MAP4K5: variants seen among roughly 807,000 people sequenced by gnomAD.
MAP4K5 encodes the protein MAPK/ERK kinase kinase kinase 5.
A neutral mutation model predicts 135.6 loss-of-function variants in MAP4K5; 82 were observed. The ratio of observed to expected loss-of-function variants is 0.60; its 90% CI spans 0.51 to 0.73. The LOEUF is 0.73. Ranked by LOEUF, MAP4K5 falls within the 30% of genes least tolerant of loss-of-function variation. The pLI is 0.00. For synonymous variants in MAP4K5, 347 were observed against 335.0 expected (o/e 1.04, Z -0.39); for missense variants, 907 against 1,010.9 (o/e 0.90, Z 1.39).
intron 1 of MAP4K5, among the ~76,000 whole-genome samples, chr14:50,556,476 C>T (rs2038766942): frequency 6.6e-6 from 1 of 152,104 alleles, no homozygotes; most frequent in South Asian, 2.1e-4. Flanking sequence ...CCTCAGCTTC[C>T]CAAAGTGCTG....
chr14:50,536,996 C>T (rs4349065), upstream of MAP4K5, among the ~76,000 whole-genome samples: 127,843 of 152,280 alleles, frequency 0.84, 55,654 homozygotes, highest in Non-Finnish European at 0.94. Context: ...GCATAAGTAA[C>T]GAAAAGCTGA....
chr14:50,488,756 C>CA (rs2037421636), intron 3 of MAP4K5, among the ~76,000 whole-genome samples: 1 of 152,128 alleles, frequency 6.6e-6, no homozygotes, highest in African/African-American at 2.4e-5. Context: ...TAGCTGGAAG[C>CA]AAGAATTCCC....
At chr14:50,478,140 G>A (rs2037146283) in intron 6 of MAP4K5, among the ~76,000 whole-genome samples, 1 of 152,144 alleles carries the variant, frequency 6.6e-6, no homozygotes, top group Non-Finnish European at 1.5e-5. Flanking sequence ...ATAATTGAGT[G>A]AGCTTTGGTA....
chr14:50,443,999 AT>A lies in MAP4K5; in HGVS notation c.1376del (p.Asn459IlefsTer35). ...GTGGTGCTTGTGCTGATCCTTCTGT[AT>A]TTTCACTCATCAGTTTTGAAATACC... ...GDGISKLMSE[N>X]TEGSAQAPQL... is the part of the protein sequence containing the mutation. On this transcript the variant is annotated frameshift_variant, in exon 19 of 33. Coordinates refer to ENST00000682126, the MANE Select transcript of MAP4K5 (RefSeq NM_006575.6). LOFTEE classifies it high-confidence loss of function. The A allele has an allele frequency of 6.2e-7, 1 of 1,607,058 alleles. No individual in the cohort carries two copies. The highest frequency in any genetic ancestry group is 8.5e-7 in the Non-Finnish European group (1 of 1,176,286).
intron 1 of MAP4K5, among the ~76,000 whole-genome samples, chr14:50,560,697 T>C (rs934590477): frequency 1.2e-4 from 18 of 151,906 alleles, no homozygotes; most frequent in African/African-American, 1.7e-4. Context: ...GGGCGAGGGG[T>C]CGGGGATCTA....
chr14:50,421,594 A>T (rs750143573), intron 32 of MAP4K5, among the ~76,000 whole-genome samples: 5 of 151,864 alleles, frequency 3.3e-5, no homozygotes, highest in Non-Finnish European at 7.4e-5. Flanking sequence ...TGTAAAGATA[A>T]AACAAAAACT....
chr14:50,481,512 A>T (rs1373063317), intron 6 of MAP4K5, among the ~76,000 whole-genome samples: 2 of 152,060 alleles, frequency 1.3e-5, no homozygotes, highest in African/African-American at 4.8e-5. Context: ...CAATATAGGA[A>T]ATTTAGGGAT....
intron 3 of MAP4K5, among the ~76,000 whole-genome samples, chr14:50,501,371 A>T (rs769870410): frequency 2.0e-5 from 3 of 152,112 alleles, no homozygotes; most frequent in Non-Finnish European, 2.9e-5. Context: ...ACAGAATTGT[A>T]TCTTACAAAT....
intron 1 of MAP4K5, among the ~76,000 whole-genome samples, chr14:50,555,342 C>T (rs185720547): frequency 1.8e-4 from 28 of 152,196 alleles, no homozygotes; most frequent in Admixed American, 8.5e-4. Flanking sequence ...AGTGCAGTGG[C>T]GTGATCTTGG....
At chr14:50,468,171 T>G (rs538398337) in intron 10 of MAP4K5, among the ~76,000 whole-genome samples, 15 of 152,228 alleles carry the variant, frequency 9.9e-5, no homozygotes, top group Non-Finnish European at 1.5e-4. Context: ...TAGAAAAGTT[T>G]CATCTGCATT....
intron 3 of MAP4K5, among the ~76,000 whole-genome samples, chr14:50,492,379 C>T (rs1440157509): frequency 6.6e-6 from 1 of 151,996 alleles, no homozygotes; most frequent in Non-Finnish European, 1.5e-5. Context: ...ATCATATGAG[C>T]CCAGGAGTTC....
At chr14:50,548,570 C>T (rs142747136) in intron 1 of MAP4K5, among the ~76,000 whole-genome samples, 12 of 152,194 alleles carry the variant, frequency 7.9e-5, no homozygotes, top group African/African-American at 1.7e-4. Flanking sequence ...AGTGCAGTGG[C>T]GTGATCTCGG....
At chr14:50,440,908 G>A (rs2036211426) in intron 21 of MAP4K5, among the ~76,000 whole-genome samples, 1 of 152,072 alleles carries the variant, frequency 6.6e-6, no homozygotes, top group South Asian at 2.1e-4. Context: ...CAATTCTGGG[G>A]CAATAAAAGT....
chr14:50,560,468 G>C, intron 1 of MAP4K5: 1 of 870,604 alleles, frequency 1.1e-6, no homozygotes, highest in Non-Finnish European at 1.8e-6. Flanking sequence ...CCATGGCCGA[G>C]CGGTACCCGC....
rs796824973 is a variant in MAP4K5, at chr14:50,439,922, C to G, written c.1705+91G>C. On this transcript the variant is annotated intron_variant, in intron 23 of 32. Coordinates refer to ENST00000682126, the MANE Select transcript of MAP4K5 (RefSeq NM_006575.6). ...AGTTACTATATTAGATTATAGTCAT[C>G]CAGAATTACAAATAACATTTAAAAA... 16 of 1,229,554 alleles carry G rather than the reference C, an allele frequency of 1.3e-5. 1 individual carries two copies. In the African/African-American group the frequency reaches 2.2e-4, roughly 17 times the overall value. 76.2% of individuals were successfully genotyped at this position (1,229,554 alleles called of 1,614,324 possible).
At chr14:50,495,653 G>A (rs549190973) in intron 3 of MAP4K5, among the ~76,000 whole-genome samples, 1 of 152,282 alleles carries the variant, frequency 6.6e-6, no homozygotes, top group African/African-American at 2.4e-5. Flanking sequence ...AAGAGGTAGA[G>A]GCAACCCAGT....
chr14:50,442,814 C>A lies in MAP4K5; in HGVS notation c.1482G>T (p.Met494Ile). 1 of 1,551,554 alleles carries A rather than the reference C, an allele frequency of 6.4e-7. No individual in the cohort carries two copies. Among genetic ancestry groups the A allele is most frequent in the African/African-American group, 1.4e-5 (1 of 72,896 alleles). The change falls in exon 21 of 33, where the codon ATG (methionine) becomes ATT (isoleucine). Residue 494 changes from methionine (M) to isoleucine (I), a missense_variant and splice_region_variant. Physicochemically the swap from Met to Ile is conservative, Grantham distance 10. Around this residue, in one of 3 missense-constraint regions of MAP4K5, gnomAD observed 690 missense variants for 777.4 expected, o/e 0.89. Coordinates refer to ENST00000682126, the MANE Select transcript of MAP4K5 (RefSeq NM_006575.6). ...CAAAAACTTTTGAAAAGCATGCTCC[C>A]ATCTTATTTATAAAGAAAGAAATGT... ...NGLPPTPKVL[M>I]GACFSKVFDG...
chr14:50,431,779 G>A (rs944107712), intron 28 of MAP4K5, among the ~76,000 whole-genome samples: 3 of 151,934 alleles, frequency 2.0e-5, no homozygotes, highest in South Asian at 4.2e-4. Flanking sequence ...GTAATGGGAT[G>A]GCTGGGTCAA....
Position 50,467,751 on chromosome 14 carries a change from T to C in MAP4K5, c.674+900A>G, listed in dbSNP as rs112353944. Among the ~76,000 whole-genome samples the C allele has an allele frequency of 2.0e-5, 3 of 152,280 alleles. 1 individual carries two copies. Among genetic ancestry groups the C allele is most frequent in the African/African-American group, 7.2e-5 (3 of 41,588 alleles). On this transcript the variant is annotated intron_variant, in intron 10 of 32. Coordinates refer to ENST00000682126, the MANE Select transcript of MAP4K5 (RefSeq NM_006575.6). The stretch of plus-strand genomic sequence containing the variant: ...TCAAAGTATTTTTCCAAAAGGTCTG[T>C]ACTTATCAGCATTCTAGCTAAAAGT...
Sources: gnomAD v4.1 joint callset for allele counts (sites outside exome capture counted in the v4.1 genomes callset) on GRCh38, gnomAD v4.1.1 for gene constraint, gnomAD v4.1.1 regional missense constraint, MANE v1.5 for transcripts, NCBI Gene and HGNC (gene_info 2026-07-23, HGNC 2026-07-21) for gene names.